The following SCAI variants were observed in gnomAD, a reference collection of about 807,000 sequenced individuals.
SCAI encodes the protein suppressor of cancer cell invasion, also known as protein SCAI.
A neutral mutation model predicts 92.2 loss-of-function variants in SCAI; 24 were observed. The observed-to-expected ratio is 0.26, with a 90% confidence interval of 0.19 to 0.37. The LOEUF is 0.37. Among genes scored for constraint, SCAI ranks in the 10% least tolerant of loss-of-function variants. SCAI has a pLI of 1.00. For missense variants in SCAI, 450 were observed against 736.2 expected (o/e 0.61, Z 4.50); for synonymous variants, 261 against 258.6 (o/e 1.01, Z -0.09).
At position 125,130,044 on chromosome 9, in the gene SCAI, G is replaced by A. The variant is rs1262654650; in HGVS notation, c.98+12589C>T. 9.9e-5 allele frequency among the ~76,000 whole-genome samples: 15 copies of A among 151,496 alleles called. No individual in the cohort carries two copies. In the South Asian group the frequency reaches 1.5e-3, roughly 15 times the overall value. Reference sequence around the variant, plus strand: ...CACCCGAGTAGCTGGGATTATAGGCGCCCACCACCACGCCCAGCTAATTTT... The same window carrying A: ...CACCCGAGTAGCTGGGATTATAGGCACCCACCACCACGCCCAGCTAATTTT... On this transcript the variant is annotated intron_variant, in intron 2 of 17. Coordinates refer to ENST00000336505, the MANE Select transcript of SCAI (RefSeq NM_001144877.3).
intron 1 of SCAI, 35 bp from the exon 2 acceptor site, chr9:125,142,712 T>C (rs755591160): frequency 1.3e-6 from 2 of 1,591,544 alleles, no homozygotes; most frequent in South Asian, 1.1e-5. Flanking sequence ...TAACTAAAAG[T>C]AACATACAAG....
At chr9:125,008,906 A>G (rs929828488) in intron 9 of SCAI, among the ~76,000 whole-genome samples, 1 of 152,188 alleles carries the variant, frequency 6.6e-6, no homozygotes, top group African/African-American at 2.4e-5. Flanking sequence ...ATAACATAGT[A>G]AAACTGCAAA....
At chr9:124,961,194 G>T (rs576356328) in intron 17 of SCAI, among the ~76,000 whole-genome samples, 1 of 150,932 alleles carries the variant, frequency 6.6e-6, no homozygotes, top group East Asian at 1.9e-4. Flanking sequence ...AGCTATGTTT[G>T]ATGCTGAGGC....
intron 2 of SCAI, among the ~76,000 whole-genome samples, chr9:125,068,350 A>G (rs139461116): frequency 6.6e-6 from 1 of 152,262 alleles, no homozygotes; most frequent in East Asian, 1.9e-4. Flanking sequence ...AAATTAAAAA[A>G]TTAGCCAGGC....
At chr9:125,028,613 T>A in intron 4 of SCAI, 135 bp from the exon 5 acceptor site, 1 of 452,764 alleles carries the variant, frequency 2.2e-6, no homozygotes, top group Non-Finnish European at 3.8e-6. Context: ...TTCAATGTAG[T>A]CATTCCATTA....
chr9:125,143,258 C>A (rs958584896), intron 1 of SCAI, 127 bp downstream of exon 1: 221 of 547,086 alleles, frequency 4.0e-4, no homozygotes, highest in African/African-American at 3.6e-3. Flanking sequence ...AAGGTCCCCC[C>A]AGCCTGCACC....
chr9:125,033,272 G>C (rs1433716442), intron 3 of SCAI, among the ~76,000 whole-genome samples: 6 of 152,074 alleles, frequency 3.9e-5, no homozygotes, highest in Non-Finnish European at 8.8e-5. Flanking sequence ...GCCAGGAAAT[G>C]CTTCACAAAG....
At chr9:124,997,814 T>G (rs1415644503) in intron 13 of SCAI, among the ~76,000 whole-genome samples, 1 of 148,484 alleles carries the variant, frequency 6.7e-6, no homozygotes, top group African/African-American at 2.5e-5. Context: ...AGGCAGAGGT[T>G]GCAGTGAGCC....
At chr9:125,010,662 C>T (rs1337580544) in intron 9 of SCAI, among the ~76,000 whole-genome samples, 1 of 152,214 alleles carries the variant, frequency 6.6e-6, no homozygotes, top group African/African-American at 2.4e-5. Context: ...CCCTGTCTGA[C>T]AGCTTTGAAG....
chr9:124,991,332 A>T (rs1456200648), intron 14 of SCAI, among the ~76,000 whole-genome samples: 1 of 135,236 alleles, frequency 7.4e-6, no homozygotes, highest in Non-Finnish European at 1.6e-5. Context: ...AGCCTGGGTG[A>T]CAGAGCAAAA....
At chr9:125,119,961 G>C (rs532722429) in intron 2 of SCAI, among the ~76,000 whole-genome samples, 1 of 152,262 alleles carries the variant, frequency 6.6e-6, no homozygotes, top group East Asian at 1.9e-4. Flanking sequence ...TTCCAAAAGT[G>C]ACACTCCAGA....
At chr9:125,032,170 A>AATATATATATATATAT (rs1195663083) in intron 3 of SCAI, among the ~76,000 whole-genome samples, 1 of 118,734 alleles carries the variant, frequency 8.4e-6, no homozygotes, top group African/African-American at 3.5e-5. Context: ...TAGTAAAATG[A>AATATATATATATATAT]ATATATATAT....
intron 2 of SCAI, among the ~76,000 whole-genome samples, chr9:125,139,832 G>A (rs1430475239): frequency 2.0e-5 from 3 of 152,204 alleles, no homozygotes; most frequent in African/African-American, 7.2e-5. Context: ...GTGGGGTAAT[G>A]AGAGTTAAAT....
intron 17 of SCAI, among the ~76,000 whole-genome samples, chr9:124,961,170 G>A (rs1007075497): frequency 6.6e-6 from 1 of 150,880 alleles, no homozygotes; most frequent in Non-Finnish European, 1.5e-5. Context: ...CAGTGGCAAT[G>A]TGCCTATAGT....
intron 3 of SCAI, among the ~76,000 whole-genome samples, chr9:125,034,916 T>A (rs1051935867): frequency 2.6e-5 from 4 of 152,224 alleles, no homozygotes; most frequent in Admixed American, 2.0e-4. Context: ...TATGTCAAAA[T>A]GTTGTTTATT....
At chr9:125,138,840 C>G (rs554036987) in intron 2 of SCAI, among the ~76,000 whole-genome samples, 4 of 152,276 alleles carry the variant, frequency 2.6e-5, no homozygotes, top group African/African-American at 9.6e-5. Flanking sequence ...TGAGCCACCA[C>G]GCCAGCAGAA....
intron 5 of SCAI, among the ~76,000 whole-genome samples, chr9:125,027,945 T>C (rs1409344215): frequency 6.6e-6 from 1 of 152,206 alleles, no homozygotes; most frequent in African/African-American, 2.4e-5. Context: ...TGGGACTATA[T>C]AGATGTTAGT....
intron 14 of SCAI, among the ~76,000 whole-genome samples, chr9:124,985,926 C>A (rs1040585214): frequency 6.8e-6 from 1 of 147,972 alleles, no homozygotes; most frequent in South Asian, 2.1e-4. Flanking sequence ...ATCACACAGA[C>A]AACAAATAAT....
At chr9:124,986,204 T>C (rs1356439847) in intron 14 of SCAI, among the ~76,000 whole-genome samples, 3 of 151,942 alleles carry the variant, frequency 2.0e-5, no homozygotes, top group Non-Finnish European at 2.9e-5. Context: ...AGCAGGAGAA[T>C]CGTTTGAACC....
Sources: allele counts gnomAD v4.1 joint callset (sites outside exome capture counted in the v4.1 genomes callset), GRCh38; gene constraint gnomAD v4.1.1; transcripts MANE v1.5; gene names NCBI Gene and HGNC (gene_info 2026-07-23, HGNC 2026-07-21).